Variants in UCN3 observed in about 807,000 individuals in gnomAD.
The protein encoded by UCN3 is urocortin-3.
A neutral mutation model predicts 3.6 loss-of-function variants in UCN3; 3 were observed. The ratio of observed to expected loss-of-function variants is 0.83; its 90% CI spans 0.38 to 2.15. The LOEUF is 2.15. UCN3 is among the 30% of genes most tolerant of loss of function. The pLI is 0.06. For missense variants in UCN3, 206 were observed against 208.3 expected (o/e 0.99, Z 0.07); for synonymous variants, 100 against 93.2 (o/e 1.07, Z -0.42).
intron 1 of UCN3, among the ~76,000 whole-genome samples, chr10:5,370,579 ATGTGTGTATATG>A (rs1831376737): frequency 3.6e-5 from 2 of 56,294 alleles, no homozygotes; most frequent in East Asian, 9.6e-4. Flanking sequence ...ATGCGTGTAT[ATGTGTGTATATG>A]TGTGTGTGTA....
Position 5,370,927 on chromosome 10 carries a change from A to G in UCN3, c.-6-2788A>G, listed in dbSNP as rs527377027. 1.5e-3 allele frequency among the ~76,000 whole-genome samples: 197 copies of G among 131,250 alleles called. 20 individuals are homozygous for G. The highest frequency in any genetic ancestry group is 5.6e-3 in the African/African-American group (186 of 33,006). 86.1% of individuals were successfully genotyped at this position (131,250 alleles called of 152,430 possible). On this transcript the variant is annotated intron_variant, in intron 1 of 1. Transcript: ENST00000380433. Reference sequence around the variant, plus strand: ...TATATGCGTGTGTATATGCGTGTGTATATGTGTGTTCATGTGTATGTGTGT... The same window carrying G: ...TATATGCGTGTGTATATGCGTGTGTGTATGTGTGTTCATGTGTATGTGTGT...
chr10:5,368,151 G>C (rs1007209343), intron 1 of UCN3, among the ~76,000 whole-genome samples: 22 of 152,066 alleles, frequency 1.4e-4, no homozygotes, highest in Non-Finnish European at 2.5e-4. Flanking sequence ...TTACAGGCGT[G>C]TGCCACCACG....
rs1163881831 is a variant in UCN3 at position 5,366,867 on chromosome 10, T to C, written c.-7+1637T>C. Among the ~76,000 whole-genome samples, 2 of 152,200 alleles carry C rather than the reference T, an allele frequency of 1.3e-5. No individual in the cohort carries two copies. The highest frequency in any genetic ancestry group is 2.9e-5 in the Non-Finnish European group (2 of 68,044). ...GAGGGTTTGCAGAGAGAGAAAGGTC[T>C]GCTACCTGCAGATGCACCAAGAACA... On this transcript the variant is annotated intron_variant, in intron 1 of 1. Coordinates refer to ENST00000380433, the MANE Select transcript of UCN3 (RefSeq NM_053049.4). The surrounding 1 kb of genome is among the most constrained non-coding windows in gnomAD (Gnocchi z 4.2).
chr10:5,370,715 T>G (rs868982835), intron 1 of UCN3, among the ~76,000 whole-genome samples: 3,168 of 99,374 alleles, frequency 0.032, 176 homozygotes, highest in South Asian at 0.077. Context: ...GTATATGATG[T>G]GTGTGTATAT....
At chr10:5,370,407 A>ATATGTGTGTG (rs1564442908) in intron 1 of UCN3, among the ~76,000 whole-genome samples, 3 of 26,540 alleles carry the variant, frequency 1.1e-4, no homozygotes, top group Non-Finnish European at 2.1e-4. Context: ...ATGTGTGTGT[A>ATATGTGTGTG]TATGTGTGTG....
At chr10:5,369,882 T>C (rs1464772597) in intron 1 of UCN3, among the ~76,000 whole-genome samples, 1 of 144,066 alleles carries the variant, frequency 6.9e-6, no homozygotes, top group Non-Finnish European at 1.5e-5. Flanking sequence ...TATATGTGTG[T>C]GTATATGTGT....
At chr10:5,369,873 A>ATGTGTGTGTG (rs1564441995) in intron 1 of UCN3, among the ~76,000 whole-genome samples, 3 of 66,144 alleles carry the variant, frequency 4.5e-5, no homozygotes, top group African/African-American at 1.7e-4. Context: ...GTGTGTGTGT[A>ATGTGTGTGTG]TATGTGTGTG....
Position 5,371,141 on chromosome 10 carries a change from ATGTGTGCATGTATATG to A in UCN3, c.-6-2562_-6-2547del, listed in dbSNP as rs782296548. On this transcript the variant is annotated intron_variant, in intron 1 of 1. Coordinates refer to ENST00000380433, the MANE Select transcript of UCN3 (RefSeq NM_053049.4). ...ATGTGAGGTATGTATGTGTGTGCATATGTGTGCATGTATATGTGTGTGCATGTGTATGTATGTGCAT... is the reference window on the plus strand; with the variant it reads ...ATGTGAGGTATGTATGTGTGTGCATATGTGTGCATGTGTATGTATGTGCAT... Among the ~76,000 whole-genome samples the A allele has an allele frequency of 6.0e-5, 9 of 149,688 alleles. No individual in the cohort carries two copies. The South Asian group carries it at 1.9e-3, about 32-fold the overall frequency.
intron 1 of UCN3, among the ~76,000 whole-genome samples, chr10:5,369,888 T>C (rs1312507453): frequency 2.4e-5 from 3 of 125,994 alleles, no homozygotes; most frequent in African/African-American, 9.5e-5. Flanking sequence ...TGTGTGTATA[T>C]GTGTGTGTGT....
chr10:5,370,653 G>GTGTA, intron 1 of UCN3, among the ~76,000 whole-genome samples: 1 of 67,558 alleles, frequency 1.5e-5, no homozygotes, highest in South Asian at 8.0e-4. Context: ...ATATGTGTGT[G>GTGTA]TATGTGTGTG....
intron 1 of UCN3, among the ~76,000 whole-genome samples, chr10:5,373,282 A>G (rs1218524685): frequency 1.3e-5 from 2 of 152,230 alleles, no homozygotes; most frequent in Non-Finnish European, 2.9e-5. Context: ...AGCCTTGCCA[A>G]TGATGAAGGA....
chr10:5,373,897 C>T lies in UCN3; in HGVS notation c.177C>T (p.Phe59=), dbSNP rs1554811780. Residue 59 remains phenylalanine, a synonymous_variant, in exon 2 of 2, where the codon TTC becomes TTT. Transcript: ENST00000380433. ...EDASLLSKRS[F]HYLRSRDASS... ...CATCCCTGCTGAGCAAGAGGAGCTTCCACTACCTGCGCAGCAGAGACGCCT... is the reference window on the plus strand; with the variant it reads ...CATCCCTGCTGAGCAAGAGGAGCTTTCACTACCTGCGCAGCAGAGACGCCT... 4 of 1,613,816 alleles carry T rather than the reference C, an allele frequency of 2.5e-6. No individual in the cohort carries two copies. In the African/African-American group the frequency reaches 5.3e-5, roughly 22 times the overall value.
At chr10:5,370,211 A>ATGTGTGTGTGTGTG (rs143748616) in intron 1 of UCN3, among the ~76,000 whole-genome samples, 1 of 16,870 alleles carries the variant, frequency 5.9e-5, no homozygotes, top group Non-Finnish European at 8.9e-5. Flanking sequence ...ATGCGTGTGT[A>ATGTGTGTGTGTGTG]TGTGTGTGTA....
rs985147987 is a variant in UCN3, at chr10:5,367,382, A to G, written c.-7+2152A>G. ...CGTAACAACATGATTTGCAGAGAGAATGTACATCCATGAAAGAATTTAAAA... is the reference window on the plus strand; with the variant it reads ...CGTAACAACATGATTTGCAGAGAGAGTGTACATCCATGAAAGAATTTAAAA... On this transcript the variant is annotated intron_variant, in intron 1 of 1. Transcript: ENST00000380433. This position sits in a 1 kb window ranked among gnomAD's most constrained non-coding sequence, Gnocchi z 4.3. Among the ~76,000 whole-genome samples the G allele has an allele frequency of 2.0e-5, 3 of 152,238 alleles. No homozygotes were observed. Among genetic ancestry groups the G allele is most frequent in the Admixed American group, 6.5e-5 (1 of 15,284 alleles).
Position 5,374,429 on chromosome 10 carries a change from C to A in UCN3, c.*223C>A, listed in dbSNP as rs748640353. 3.7e-6 allele frequency: 2 copies of A among 542,080 alleles called. No individual in the cohort carries two copies. Among genetic ancestry groups the A allele is most frequent in the Non-Finnish European group, 6.6e-6 (2 of 303,550 alleles). 33.6% of individuals were successfully genotyped at this position (542,080 alleles called of 1,614,324 possible). A position where few individuals can be genotyped will look rare whatever the true frequency, so the allele number is the denominator to read the frequency against. ...TGTACACACAGAAGTGCAGTATTGT[C>A]CAACCTTCCCAGACACAAAGCAGCT... On this transcript the variant is annotated 3_prime_UTR_variant, in exon 2 of 2. Coordinates refer to ENST00000380433, the MANE Select transcript of UCN3 (RefSeq NM_053049.4).
rs1831475252 is a variant in UCN3, at chr10:5,374,322, T to C, written c.*116T>C. On this transcript the variant is annotated 3_prime_UTR_variant, in exon 2 of 2. Transcript: ENST00000380433. ...GTCTGCTGGTTTGTGTTTTGTGGGA[T>C]CAGTCAGTTTTACAGGTTGCTGCAC... 1 of 1,020,222 alleles carries C rather than the reference T, an allele frequency of 9.8e-7. No homozygotes were observed. The highest frequency in any genetic ancestry group is 1.4e-6 in the Non-Finnish European group (1 of 711,918). The allele number at this position is 1,020,222 out of a possible 1,614,324, so 63.2% of individuals were successfully genotyped here. A position where few individuals can be genotyped will look rare whatever the true frequency, so the allele number is the denominator to read the frequency against.
intron 1 of UCN3, among the ~76,000 whole-genome samples, chr10:5,369,623 A>G (rs1831305108): frequency 1.3e-5 from 2 of 152,258 alleles, no homozygotes; most frequent in Non-Finnish European, 2.9e-5. Context: ...TGGCTAGTTC[A>G]TAGGTTTGGA....
chr10:5,367,081 A>T lies in UCN3; in HGVS notation c.-7+1851A>T, dbSNP rs1834125199. ...CAAAAATGTGAAAAAGTAAATATAG[A>T]GGTAAAAGGGATCTCACTCCCTCTC... On this transcript the variant is annotated intron_variant, in intron 1 of 1. Transcript: ENST00000380433. This position sits in a 1 kb window ranked among gnomAD's most constrained non-coding sequence, Gnocchi z 4.3. Among the ~76,000 whole-genome samples, 1 of 152,216 alleles carries T rather than the reference A, an allele frequency of 6.6e-6. No homozygotes were observed.
In UCN3 at chr10:5,365,932, G is replaced by A. The variant is rs982208374; in HGVS notation, c.-7+702G>A. 7.2e-5 allele frequency among the ~76,000 whole-genome samples: 11 copies of A among 152,204 alleles called. No individual in the cohort carries two copies. Among genetic ancestry groups the A allele is most frequent in the Admixed American group, 2.0e-4 (3 of 15,282 alleles). On this transcript the variant is annotated intron_variant, in intron 1 of 1. Transcript: ENST00000380433. The surrounding 1 kb of genome is among the most constrained non-coding windows in gnomAD (Gnocchi z 4.4). ...TCCTACCTGTGAAGGGGAGATGGAT[G>A]TTTGATGTTTATGTTTTCTGAAAAT... is the stretch of plus-strand genomic sequence containing the variant.
Sources: allele counts gnomAD v4.1 joint callset (sites outside exome capture counted in the v4.1 genomes callset), GRCh38; gene constraint gnomAD v4.1.1; non-coding constraint Gnocchi (gnomAD v3.1); transcripts MANE v1.5; gene names NCBI Gene and HGNC (gene_info 2026-07-23, HGNC 2026-07-21).